ZNF606: variants seen among roughly 807,000 people sequenced by gnomAD.
ZNF606 encodes zinc finger protein 328.
A neutral mutation model predicts 74.9 loss-of-function variants in ZNF606; 37 were observed. That is an observed-to-expected ratio of 0.49 (90% CI 0.38 to 0.65). The LOEUF is 0.65. Among genes scored for constraint, ZNF606 ranks in the 30% least tolerant of loss-of-function variants. The pLI is 0.00. For synonymous variants in ZNF606, 328 were observed against 312.4 expected (o/e 1.05, Z -0.53); for missense variants, 852 against 952.9 (o/e 0.89, Z 1.39).
chr19:58,001,286 C>G lies in ZNF606; in HGVS notation c.31+3G>C. 6.2e-7 allele frequency: 1 copy of G among 1,614,148 alleles called. No individual in the cohort carries two copies. The highest frequency in any genetic ancestry group is 1.1e-5 in the South Asian group (1 of 91,078). On this transcript the variant is annotated splice_donor_region_variant and intron_variant, in intron 2 of 6. Coordinates refer to ENST00000551380, the MANE Select transcript of ZNF606 (RefSeq NM_001348022.3). ...GCCCAGGAGAAACACAACTTGGACT[C>G]ACCCCAGGAGGCCCACGGGTTGATG... is the stretch of plus-strand genomic sequence containing the variant.
rs1394560549 is a variant in ZNF606, at chr19:58,002,612, A to T, written c.-268T>A. 7 of 442,092 alleles carry T rather than the reference A, an allele frequency of 1.6e-5. No homozygotes were observed. Among genetic ancestry groups the T allele is most frequent in the South Asian group, 1.1e-4 (7 of 63,944 alleles). 27.4% of individuals were successfully genotyped at this position (442,092 alleles called of 1,614,324 possible). ...AAAACGAAGAACGCCCGGAGGCGGG[A>T]GGCCGGAGGCAGGCTGCTGGCTGGA... is the stretch of plus-strand genomic sequence containing the variant. On this transcript the variant is annotated 5_prime_UTR_variant, in exon 1 of 7. Transcript: ENST00000551380.
rs1308540470 is a variant in ZNF606, at chr19:58,000,674, T to C, written c.88+9A>G. ...TGGCAGCCCACAGCTGACCAGGCTC[T>C]TGACTCACCCCAGGAGGCCCATGGG... On this transcript the variant is annotated intron_variant, in intron 3 of 6. Coordinates refer to ENST00000551380, the MANE Select transcript of ZNF606 (RefSeq NM_001348022.3). The C allele has an allele frequency of 3.1e-6, 5 of 1,613,938 alleles. No individual in the cohort carries two copies. The East Asian group carries it at 8.9e-5, about 29-fold the overall frequency.
At chr19:57,986,225 G>A (rs118168065) in intron 6 of ZNF606, among the ~76,000 whole-genome samples, 1,562 of 152,112 alleles carry the variant, frequency 0.01, 16 homozygotes, top group Non-Finnish European at 0.017. Flanking sequence ...AGTGACTCAC[G>A]CCTGTAATCC....
rs769195808 is a variant in ZNF606 at position 57,978,930 on chromosome 19, T to C, written c.1750A>G (p.Ile584Val). Residue 584 changes from isoleucine (I) to valine (V), a missense_variant, in exon 7 of 7, where the codon ATT (isoleucine) becomes GTT (valine). By Grantham distance (29) the Ile-to-Val change is conservative. Coordinates refer to ENST00000551380, the MANE Select transcript of ZNF606 (RefSeq NM_001348022.3). The surrounding 1 kb of genome is among the most constrained non-coding windows in gnomAD (Gnocchi z 4.4). ...GKSFSWSSHL[I>V]AHQRTHTGEK... Reference sequence around the variant, plus strand: ...CCCGTGTGAGTTCTCTGATGGGCAATAAGATGGGAGCTCCAGCTGAAGGAT... The same window carrying C: ...CCCGTGTGAGTTCTCTGATGGGCAACAAGATGGGAGCTCCAGCTGAAGGAT... 6 of 1,614,170 alleles carry C rather than the reference T, an allele frequency of 3.7e-6. No individual in the cohort carries two copies. Among genetic ancestry groups the C allele is most frequent in the Non-Finnish European group, 5.1e-6 (6 of 1,180,030 alleles).
At chr19:57,991,845 G>C (rs891484447) in intron 4 of ZNF606, among the ~76,000 whole-genome samples, 28 of 152,036 alleles carry the variant, frequency 1.8e-4, no homozygotes, top group Non-Finnish European at 3.1e-4. Context: ...CAAAACCTAT[G>C]CTTGATGCAC....
At chr19:57,985,879 A>G (rs1296959290) in intron 6 of ZNF606, among the ~76,000 whole-genome samples, 1 of 152,072 alleles carries the variant, frequency 6.6e-6, no homozygotes, top group Non-Finnish European at 1.5e-5. Flanking sequence ...GGCTGCAGTG[A>G]GCCAAGATCG....
chr19:57,988,264 C>T lies in ZNF606; in HGVS notation c.343G>A (p.Glu115Lys). The T allele has an allele frequency of 6.2e-7, 1 of 1,614,080 alleles. No homozygotes were observed. Among genetic ancestry groups the T allele is most frequent in the Non-Finnish European group, 8.5e-7 (1 of 1,180,010 alleles). The change falls in exon 6 of 7, where the codon GAG becomes AAG. Residue 115 changes from glutamate (E) to lysine (K), a missense_variant. Physicochemically the swap from Glu to Lys is moderately conservative, Grantham distance 56. Transcript: ENST00000551380. ...IAKPEVISLL[E>K]QGEEPWSVEQ... is the part of the protein sequence containing the mutation. Reference sequence around the variant, plus strand: ...ACTGACCACGGCTCTTCTCCTTGCTCCAACAGGGAGATGACCTCAGGCTTG... The same window carrying T: ...ACTGACCACGGCTCTTCTCCTTGCTTCAACAGGGAGATGACCTCAGGCTTG...
intron 4 of ZNF606, chr19:57,998,534 T>C (rs1278839881): frequency 6.6e-6 from 1 of 152,118 alleles, no homozygotes; most frequent in Non-Finnish European, 1.5e-5. Flanking sequence ...AGACAGAAAG[T>C]ACACTAGTGG....
intron 6 of ZNF606, among the ~76,000 whole-genome samples, chr19:57,980,792 G>A (rs1176522746): frequency 3.4e-5 from 5 of 146,370 alleles, no homozygotes; most frequent in South Asian, 4.3e-4. Flanking sequence ...CCAAGATCGC[G>A]CCACTGCACT....
At chr19:57,990,958 C>G (rs753622132) in intron 4 of ZNF606, among the ~76,000 whole-genome samples, 2 of 152,156 alleles carry the variant, frequency 1.3e-5, no homozygotes, top group Non-Finnish European at 2.9e-5. Context: ...GGCTGAACCT[C>G]ATCTCTGTGT....
chr19:57,996,476 G>A (rs80237083), intron 4 of ZNF606, among the ~76,000 whole-genome samples: 9,658 of 152,256 alleles, frequency 0.063, 418 homozygotes, highest in Middle Eastern at 0.095. Context: ...CTCCAGTATG[G>A]ACAACGCAAT....
chr19:57,982,129 C>T (rs1250538549), intron 6 of ZNF606, among the ~76,000 whole-genome samples: 1 of 152,144 alleles, frequency 6.6e-6, no homozygotes, highest in Non-Finnish European at 1.5e-5. Flanking sequence ...TCCAAAACGG[C>T]TTTCACTGGG....
intron 4 of ZNF606, among the ~76,000 whole-genome samples, chr19:57,993,996 G>C (rs2073298976): frequency 6.6e-6 from 1 of 152,188 alleles, no homozygotes; most frequent in Admixed American, 6.5e-5. Flanking sequence ...AGAAACACCT[G>C]ATGCACAGAT....
rs779151250 is a variant in ZNF606 at position 57,978,953 on chromosome 19, G to A, written c.1727C>T (p.Ser576Phe). ...KPYKCTECGKSFSWSSHLIAH... is the reference protein window; with the variant it reads ...KPYKCTECGKFFSWSSHLIAH... ...AATAAGATGGGAGCTCCAGCTGAAG[G>A]ATTTTCCACATTCAGTACATTTATA... The change falls in exon 7 of 7, where the codon TCC (serine) becomes TTC (phenylalanine). Residue 576 changes from serine (S) to phenylalanine (F), a missense_variant. Ser to Phe is a radical substitution (Grantham distance 155, BLOSUM62 -2). Around this residue, in one of 3 missense-constraint regions of ZNF606, gnomAD observed 243 missense variants for 359.2 expected, o/e 0.68. Coordinates refer to ENST00000551380, the MANE Select transcript of ZNF606 (RefSeq NM_001348022.3). This position sits in a 1 kb window ranked among gnomAD's most constrained non-coding sequence, Gnocchi z 4.4. 1 of 1,614,166 alleles carries A rather than the reference G, an allele frequency of 6.2e-7. No homozygotes were observed. The highest frequency in any genetic ancestry group is 2.2e-5 in the East Asian group (1 of 44,882).
At position 57,989,582 on chromosome 19, in the gene ZNF606, G is replaced by A. The variant is rs1479626359; in HGVS notation, c.178-861C>T. Reference sequence around the variant, plus strand: ...CTGCCTCAGCCTCCCGAGTAGCTGGGACAATAGGCGTGCACCACCCCGCCT... The same window carrying A: ...CTGCCTCAGCCTCCCGAGTAGCTGGAACAATAGGCGTGCACCACCCCGCCT... On this transcript the variant is annotated intron_variant, in intron 4 of 6. Coordinates refer to ENST00000551380, the MANE Select transcript of ZNF606 (RefSeq NM_001348022.3). Among the ~76,000 whole-genome samples the A allele has an allele frequency of 3.3e-5, 5 of 152,038 alleles. No individual in the cohort carries two copies. In the South Asian group the frequency reaches 1.0e-3, roughly 32 times the overall value.
chr19:57,978,424 AAT>A lies in ZNF606; in HGVS notation c.2254_2255del (p.Ile752TyrfsTer7). ...CTCCACTATGCATTCTCTGATGAAT[AAT>A]AAGGGAAGAATTCTTACAAAATGCT... is the stretch of plus-strand genomic sequence containing the variant. ...EKAFCKNSSL[I>X]IHQRMHSGEK... On this transcript the variant is annotated frameshift_variant, in exon 7 of 7. Transcript: ENST00000551380. LOFTEE classifies it high-confidence loss of function. This position sits in a 1 kb window ranked among gnomAD's most constrained non-coding sequence, Gnocchi z 4.4. 1 of 1,614,046 alleles carries A rather than the reference AAT, an allele frequency of 6.2e-7. No homozygotes were observed. Among genetic ancestry groups the A allele is most frequent in the Non-Finnish European group, 8.5e-7 (1 of 1,179,906 alleles).
At chr19:57,982,708 A>T (rs1438406214) in intron 6 of ZNF606, among the ~76,000 whole-genome samples, 57 of 152,054 alleles carry the variant, frequency 3.7e-4, no homozygotes, top group Non-Finnish European at 5.9e-5. Context: ...GTCATAGCTC[A>T]CTGTAATCTC....
intron 5 of ZNF606, 78 bp downstream of exon 5, chr19:57,988,517 A>C (rs1225800300): frequency 6.4e-7 from 1 of 1,552,920 alleles, no homozygotes; most frequent in Non-Finnish European, 8.7e-7. Context: ...TCGCCCCTGC[A>C]ATGAGCTTCT....
intron 1 of ZNF606, 162 bp downstream of exon 1, chr19:58,002,234 A>T (rs1426611694): frequency 2.2e-6 from 1 of 456,808 alleles, no homozygotes; most frequent in Non-Finnish European, 4.4e-6. Flanking sequence ...GCTTTGTGTG[A>T]ACTGGCAGGG....
Sources: allele counts gnomAD v4.1 joint callset (sites outside exome capture counted in the v4.1 genomes callset), GRCh38; gene constraint gnomAD v4.1.1; regional missense constraint gnomAD v4.1.1; non-coding constraint Gnocchi (gnomAD v3.1); transcripts MANE v1.5; gene names NCBI Gene and HGNC (gene_info 2026-07-23, HGNC 2026-07-21).